Variants in NEBL observed in about 807,000 individuals in gnomAD.
The protein encoded by NEBL is nebulette, also known as LIM and SH3 protein 2.
In NEBL, 122 loss-of-function variants were observed where a neutral mutation model predicts 140.2. The observed-to-expected ratio is 0.87, with a 90% CI of 0.75 to 1.01. NEBL has a LOEUF of 1.01. Among genes scored for constraint, NEBL ranks in the 50% least tolerant of loss-of-function variants. The probability of loss-of-function intolerance (pLI) is 0.00; values close to 1 mark genes in which losing one functional copy is unlikely to be tolerated. For missense variants in NEBL, 1,365 were observed against 1,231.3 expected, an observed-to-expected ratio of 1.11 and a Z score of -1.62; for synonymous variants, 436 against 398.9, an observed-to-expected ratio of 1.09 and a Z score of -1.11.
chr10:21,125,937 T>TGGG, intron 2 of NEBL: 1 of 1,614,194 alleles, frequency 6.2e-7, no homozygotes. Flanking sequence ...GAGACAGCCT[T>TGGG]GGGGACTTGG....
chr10:21,087,464 T>A (rs1247634541), intron 2 of NEBL, among the ~76,000 whole-genome samples: 4 of 152,150 alleles, frequency 2.6e-5, no homozygotes, highest in Non-Finnish European at 1.5e-5. Context: ...CCAAAAAGTC[T>A]CTGTCTCTCC....
chr10:21,218,275 C>T (rs1410155635), intron 3 of NEBL: 3 of 152,228 alleles, frequency 2.0e-5, no homozygotes, highest in Non-Finnish European at 2.9e-5. Context: ...CCACCGTTAC[C>T]ATCGATAAAA....
chr10:21,245,556 C>G (rs1477387111), intron 3 of NEBL, among the ~76,000 whole-genome samples: 1 of 152,158 alleles, frequency 6.6e-6, no homozygotes, highest in Non-Finnish European at 1.5e-5. Context: ...TTTTGAGACA[C>G]AGTCTGCCTC....
chr10:20,938,046 C>T (rs1046990534), intron 4 of NEBL, among the ~76,000 whole-genome samples: 2 of 152,218 alleles, frequency 1.3e-5, no homozygotes, highest in Non-Finnish European at 2.9e-5. Context: ...CAGCAGAATC[C>T]TCCACAGACT....
intron 4 of NEBL, among the ~76,000 whole-genome samples, chr10:20,956,590 A>G (rs994710899): frequency 5.3e-5 from 8 of 152,298 alleles, no homozygotes; most frequent in Admixed American, 5.2e-4. Context: ...ATGACTTACA[A>G]TAAAAATAAC....
At chr10:20,804,158 A>G (rs1257332857) in intron 26 of NEBL, 1 of 152,138 alleles carries the variant, frequency 6.6e-6, no homozygotes, top group African/African-American at 2.4e-5. Flanking sequence ...TAAATAAATC[A>G]ATATATAATA....
intron 2 of NEBL, chr10:21,126,011 C>T: frequency 6.2e-7 from 1 of 1,614,214 alleles, no homozygotes; most frequent in Non-Finnish European, 8.5e-7. Flanking sequence ...CTGAAGCTGA[C>T]TCTCCGCAGC....
At chr10:20,941,548 A>G (rs1335242956) in intron 4 of NEBL, among the ~76,000 whole-genome samples, 2 of 150,718 alleles carry the variant, frequency 1.3e-5, no homozygotes, top group Non-Finnish European at 3.0e-5. Flanking sequence ...CTCTCTCATC[A>G]CTCCTATTCA....
intron 26 of NEBL, among the ~76,000 whole-genome samples, chr10:20,803,629 AT>A (rs1397337289): frequency 1.3e-5 from 2 of 151,980 alleles, no homozygotes; most frequent in Non-Finnish European, 2.9e-5. Flanking sequence ...CTAGGATAGA[AT>A]TTAAACAAAT....
intron 2 of NEBL, among the ~76,000 whole-genome samples, chr10:21,024,282 T>A (rs1471286188): frequency 6.6e-6 from 1 of 152,176 alleles, no homozygotes; most frequent in Non-Finnish European, 1.5e-5. Flanking sequence ...GTATGTAGCA[T>A]AACTTTCTCT....
chr10:20,972,554 C>T lies in NEBL; in HGVS notation c.250-10775G>A, dbSNP rs557198973. Among the ~76,000 whole-genome samples the T allele has an allele frequency of 3.9e-5, 6 of 152,174 alleles. No homozygotes were observed. The South Asian group carries it at 1.0e-3, about 26-fold the overall frequency. On this transcript the variant is annotated intron_variant, in intron 3 of 6. Coordinates refer to the NEBL transcript ENST00000417816. ...GGTCAGGAGATCAAGACCATCCTGGCCAACATGGTGAAACCCTGTCTCTAC... is the reference window on the plus strand; with the variant it reads ...GGTCAGGAGATCAAGACCATCCTGGTCAACATGGTGAAACCCTGTCTCTAC...
intron 12 of NEBL, among the ~76,000 whole-genome samples, chr10:20,842,302 G>A (rs934121315): frequency 1.3e-5 from 2 of 152,062 alleles, no homozygotes; most frequent in African/African-American, 2.4e-5. Flanking sequence ...ACCTTCGGGA[G>A]TACTTTTAAG....
intron 4 of NEBL, among the ~76,000 whole-genome samples, chr10:20,913,495 T>C (rs1589001127): frequency 6.6e-6 from 1 of 152,196 alleles, no homozygotes; most frequent in Non-Finnish European, 1.5e-5. Flanking sequence ...TAAAAATATT[T>C]ATTATCTGCA....
chr10:21,098,154 G>C (rs1205383026), intron 2 of NEBL, among the ~76,000 whole-genome samples: 1 of 152,070 alleles, frequency 6.6e-6, no homozygotes, highest in Non-Finnish European at 1.5e-5. Flanking sequence ...TAAAGCTGCA[G>C]GGCCCTTTCA....
In NEBL at chr10:21,081,538, C is replaced by T. The variant is rs113918473; in HGVS notation, c.165-61337G>A. 4.1e-4 allele frequency among the ~76,000 whole-genome samples: 63 copies of T among 152,258 alleles called. No homozygotes were observed. In the Middle Eastern group the frequency reaches 0.01, roughly 25 times the overall value. ...TAAAGAAATTGATATTTAACACACA[C>T]ATATAAACACATACATTTCCTAGCT... On this transcript the variant is annotated intron_variant, in intron 2 of 6. Transcript: ENST00000417816.
intron 4 of NEBL, among the ~76,000 whole-genome samples, chr10:20,951,516 A>T (rs1835462562): frequency 6.6e-6 from 1 of 152,184 alleles, no homozygotes; most frequent in Non-Finnish European, 1.5e-5. Flanking sequence ...TCCAAATCAT[A>T]AAATTTTCTC....
At chr10:21,009,629 T>C (rs1355364785) in intron 3 of NEBL, among the ~76,000 whole-genome samples, 1 of 152,238 alleles carries the variant, frequency 6.6e-6, no homozygotes, top group Non-Finnish European at 1.5e-5. Context: ...ACCCATATTT[T>C]GGAAGCCCAA....
intron 4 of NEBL, among the ~76,000 whole-genome samples, chr10:20,935,187 C>A (rs1488427646): frequency 6.6e-6 from 1 of 152,132 alleles, no homozygotes; most frequent in Non-Finnish European, 1.5e-5. Flanking sequence ...ATAAAAGTCA[C>A]CCCGAGGAAG....
intron 4 of NEBL, among the ~76,000 whole-genome samples, chr10:20,937,126 C>T (rs1159019052): frequency 6.6e-6 from 1 of 152,196 alleles, no homozygotes; most frequent in Non-Finnish European, 1.5e-5. Context: ...GGCACACAGA[C>T]TTCCCCAACT....
Sources: gnomAD v4.1 joint callset for allele counts (sites outside exome capture counted in the v4.1 genomes callset) on GRCh38, gnomAD v4.1.1 for gene constraint, MANE v1.5 for transcripts, NCBI Gene and HGNC (gene_info 2026-07-23, HGNC 2026-07-21) for gene names.